Variants in PRKG1 observed in about 807,000 individuals in gnomAD.
PRKG1 encodes the protein protein kinase cGMP-dependent 1, also known as cGMP-dependent protein kinase 1.
PRKG1 carries 35 observed loss-of-function variants against 88.1 expected under a neutral mutation model. The observed-to-expected ratio is 0.40, with a 90% confidence interval of 0.30 to 0.53. The LOEUF is 0.53. Ranked by LOEUF, PRKG1 falls within the 20% of genes least tolerant of loss-of-function variation. The probability of loss-of-function intolerance (pLI) is 0.59; values close to 1 mark genes in which losing one functional copy is unlikely to be tolerated. For synonymous variants in PRKG1, 303 were observed against 292.5 expected (o/e 1.04, Z -0.37); for missense variants, 540 against 839.8 (o/e 0.64, Z 4.41).
intron 3 of PRKG1, among the ~76,000 whole-genome samples, chr10:51,729,061 A>G (rs1431944833): frequency 6.6e-6 from 1 of 152,220 alleles, no homozygotes; most frequent in Non-Finnish European, 1.5e-5. Context: ...CTTGCTTTGC[A>G]TATCTTGAGG....
intron 3 of PRKG1, among the ~76,000 whole-genome samples, chr10:51,706,940 T>A (rs1177301549): frequency 6.6e-6 from 1 of 152,202 alleles, no homozygotes; most frequent in Admixed American, 6.5e-5. Context: ...TGAAGTAGCA[T>A]CTTATGTGGA....
intron 2 of PRKG1, among the ~76,000 whole-genome samples, chr10:51,182,626 G>A (rs1049504306): frequency 6.6e-5 from 10 of 152,142 alleles, no homozygotes; most frequent in African/African-American, 1.7e-4. Context: ...ATGTGTGCAG[G>A]CCTCCAGTGG....
intron 8 of PRKG1, among the ~76,000 whole-genome samples, chr10:52,151,974 T>C (rs1837939343): frequency 6.6e-6 from 1 of 152,196 alleles, no homozygotes; most frequent in Non-Finnish European, 1.5e-5. Context: ...AATGTTAAAT[T>C]GCTAAGTGTT....
chr10:51,254,886 A>T (rs1839517822), intron 2 of PRKG1, among the ~76,000 whole-genome samples: 1 of 152,036 alleles, frequency 6.6e-6, no homozygotes, highest in Non-Finnish European at 1.5e-5. Context: ...TATGACAAAC[A>T]TTTGGATTCT....
intron 3 of PRKG1, among the ~76,000 whole-genome samples, chr10:51,632,159 T>C (rs1440855737): frequency 1.3e-5 from 2 of 152,118 alleles, no homozygotes; most frequent in Non-Finnish European, 2.9e-5. Context: ...ACTATATGTG[T>C]GGCCCAAGAC....
intron 3 of PRKG1, among the ~76,000 whole-genome samples, chr10:51,614,062 A>C (rs563503177): frequency 6.6e-6 from 1 of 151,926 alleles, no homozygotes; most frequent in South Asian, 2.1e-4. Context: ...TTTTGTCTAA[A>C]TGATTTGTCT....
rs185262363 is a variant in PRKG1, at chr10:51,711,575, C to T, written c.593-93010C>T. ...AGTTATATTCTTCTAGAAAGAATTG[C>T]ACCATACGAAACTGAAGTTGTCTTG... is the stretch of plus-strand genomic sequence containing the variant. On this transcript the variant is annotated intron_variant, in intron 3 of 17. Transcript: ENST00000373980. Among the ~76,000 whole-genome samples, 144 of 152,306 alleles carry T rather than the reference C, an allele frequency of 9.5e-4. 1 individual carries two copies. Among genetic ancestry groups the T allele is most frequent in the Non-Finnish European group, 1.4e-3 (95 of 68,026 alleles).
intron 7 of PRKG1, among the ~76,000 whole-genome samples, chr10:52,095,984 G>A (rs547003726): frequency 3.3e-5 from 5 of 152,290 alleles, no homozygotes; most frequent in African/African-American, 1.2e-4. Context: ...GTAGCCCTGG[G>A]AAGTGAGCAG....
At chr10:51,274,912 A>G (rs775829756) in intron 2 of PRKG1, among the ~76,000 whole-genome samples, 12 of 152,284 alleles carry the variant, frequency 7.9e-5, no homozygotes, top group Admixed American at 1.3e-4. Context: ...TCTCTGCCAC[A>G]ACAAGCAATG....
At chr10:51,798,890 A>G (rs1178111112) in intron 3 of PRKG1, among the ~76,000 whole-genome samples, 1 of 152,062 alleles carries the variant, frequency 6.6e-6, no homozygotes, top group Admixed American at 6.6e-5. Context: ...ATATGAATGC[A>G]GCATTCATTA....
chr10:51,540,429 G>A (rs374375332), intron 3 of PRKG1, among the ~76,000 whole-genome samples: 4 of 152,254 alleles, frequency 2.6e-5, no homozygotes, highest in African/African-American at 9.6e-5. Context: ...AATGGTAAAT[G>A]TCAAAGTAGT....
intron 7 of PRKG1, among the ~76,000 whole-genome samples, chr10:52,089,766 C>A (rs1189698302): frequency 6.7e-6 from 1 of 149,458 alleles, no homozygotes; most frequent in African/African-American, 2.5e-5. Context: ...TAGCAACCAA[C>A]CAACACATCT....
At chr10:51,490,653 G>A (rs1464420673) in intron 3 of PRKG1, among the ~76,000 whole-genome samples, 2 of 152,182 alleles carry the variant, frequency 1.3e-5, no homozygotes, top group South Asian at 2.1e-4. Flanking sequence ...TGACAAGAAA[G>A]CAAAGAGAAA....
intron 2 of PRKG1, among the ~76,000 whole-genome samples, chr10:51,438,764 A>G (rs1410627369): frequency 3.3e-5 from 5 of 151,898 alleles, no homozygotes; most frequent in African/African-American, 7.2e-5. Context: ...TTACTGGCCA[A>G]TGAAGGGTCT....
chr10:51,721,184 A>C (rs2132451080), intron 3 of PRKG1, among the ~76,000 whole-genome samples: 1 of 150,036 alleles, frequency 6.7e-6, no homozygotes, highest in East Asian at 2.0e-4. Context: ...ACTGCACTCC[A>C]GCCTCTGGGT....
chr10:51,291,619 C>T (rs1021866786), intron 2 of PRKG1, among the ~76,000 whole-genome samples: 5 of 152,138 alleles, frequency 3.3e-5, no homozygotes, highest in African/African-American at 1.2e-4. Context: ...GCCCTGAAAA[C>T]TGACCCACCT....
intron 2 of PRKG1, among the ~76,000 whole-genome samples, chr10:51,363,925 C>A (rs1842538302): frequency 6.6e-6 from 1 of 151,854 alleles, no homozygotes; most frequent in South Asian, 2.1e-4. Flanking sequence ...CAAAATAAGT[C>A]AAATAGCTTT....
intron 3 of PRKG1, among the ~76,000 whole-genome samples, chr10:51,630,205 T>A (rs905047286): frequency 6.6e-6 from 1 of 152,298 alleles, no homozygotes; most frequent in African/African-American, 2.4e-5. Flanking sequence ...CCATCTCACT[T>A]CGGTGTATGA....
chr10:51,643,704 T>C (rs1475799872), intron 3 of PRKG1, among the ~76,000 whole-genome samples: 1 of 152,346 alleles, frequency 6.6e-6, no homozygotes, highest in East Asian at 1.9e-4. Flanking sequence ...TAAATGCAAC[T>C]GTTTCTTAAA....
Sources: allele counts gnomAD v4.1 joint callset (sites outside exome capture counted in the v4.1 genomes callset), GRCh38; gene constraint gnomAD v4.1.1; transcripts MANE v1.5; gene names NCBI Gene and HGNC (gene_info 2026-07-23, HGNC 2026-07-21).